Variants in ZBTB38 observed in about 807,000 individuals in gnomAD.
ZBTB38 encodes the protein zinc finger and BTB domain containing 38, also known as zinc finger and BTB domain-containing protein 38.
Under a neutral mutation model 76.8 loss-of-function variants are expected in ZBTB38, and 20 were observed. The ratio of observed to expected loss-of-function variants is 0.26; its 90% CI spans 0.18 to 0.38. The LOEUF is 0.38. Ranked by LOEUF, ZBTB38 falls within the 10% of genes least tolerant of loss-of-function variation. ZBTB38 has a pLI of 1.00. For missense variants in ZBTB38, 1,082 were observed against 1,482.3 expected (o/e 0.73, Z 4.43); for synonymous variants, 504 against 544.2 (o/e 0.93, Z 1.03).
intron 5 of ZBTB38, among the ~76,000 whole-genome samples, chr3:141,409,354 G>C (rs191200828): frequency 2.0e-5 from 3 of 152,226 alleles, no homozygotes. Context: ...CCTGAGGTGA[G>C]ATTTTTACAC....
At chr3:141,378,808 C>T (rs1945780387) in intron 2 of ZBTB38, among the ~76,000 whole-genome samples, 1 of 152,170 alleles carries the variant, frequency 6.6e-6, no homozygotes, top group Non-Finnish European at 1.5e-5. Context: ...TGTGAATGTG[C>T]CCCATTTACC....
chr3:141,429,976 A>T (rs1031375363), intron 5 of ZBTB38, among the ~76,000 whole-genome samples: 8 of 152,224 alleles, frequency 5.3e-5, no homozygotes, highest in Non-Finnish European at 7.3e-5. Context: ...GTCTGATTTT[A>T]TCCTAAGATC....
At chr3:141,420,216 T>C (rs896136063) in intron 5 of ZBTB38, among the ~76,000 whole-genome samples, 2 of 151,858 alleles carry the variant, frequency 1.3e-5, no homozygotes, top group South Asian at 2.1e-4. Context: ...AGAAAAACAA[T>C]TGGAATGAGC....
intron 4 of ZBTB38, among the ~76,000 whole-genome samples, chr3:141,391,739 C>A (rs1474093360): frequency 1.3e-5 from 2 of 152,168 alleles, no homozygotes; most frequent in African/African-American, 4.8e-5. Flanking sequence ...TTGAGATAGT[C>A]ATTGAATTTT....
In ZBTB38 at chr3:141,413,042, T is replaced by C. The variant is rs537015532; in HGVS notation, c.-1+9011T>C. Among the ~76,000 whole-genome samples the C allele has an allele frequency of 6.6e-6, 1 of 152,288 alleles. No homozygotes were observed. Among genetic ancestry groups the C allele is most frequent in the Non-Finnish European group, 1.5e-5 (1 of 68,016 alleles). On this transcript the variant is annotated intron_variant, in intron 5 of 5. Coordinates refer to ENST00000321464, the MANE Select transcript of ZBTB38 (RefSeq NM_001376113.1). This position sits in a 1 kb window ranked among gnomAD's most constrained non-coding sequence, Gnocchi z 4.1. ...AGGCCTGGCCTCCCTCCAGAGGTCG[T>C]AGTGTTGCCAGCAGTGGCTTCAAAC...
At chr3:141,399,672 C>G (rs571397264) in intron 4 of ZBTB38, among the ~76,000 whole-genome samples, 1 of 152,298 alleles carries the variant, frequency 6.6e-6, no homozygotes, top group Non-Finnish European at 1.5e-5. Flanking sequence ...AATGAGTTAA[C>G]AGATTCCTAA....
chr3:141,337,923 A>T (rs1943062934), intron 1 of ZBTB38, among the ~76,000 whole-genome samples: 1 of 152,204 alleles, frequency 6.6e-6, no homozygotes, highest in African/African-American at 2.4e-5. Context: ...AATTATCACT[A>T]ATTTATTTAT....
At chr3:141,364,676 T>TAAAAAAAAAAA (rs59398877), upstream of ZBTB38, among the ~76,000 whole-genome samples, 4 of 43,440 alleles carry the variant, frequency 9.2e-5, no homozygotes, top group South Asian at 4.0e-3. Flanking sequence ...AAACTACATC[T>TAAAAAAAAAAA]AAAAAAAAAA....
Position 141,354,925 on chromosome 3 carries a change from G to T in ZBTB38, c.-738-13696G>T, listed in dbSNP as rs147593787. Among the ~76,000 whole-genome samples the T allele has an allele frequency of 1.2e-3, 183 of 152,132 alleles. 1 individual carries two copies. The highest frequency in any genetic ancestry group is 4.3e-3 in the African/African-American group (179 of 41,490). ...GCCTAATTCCAGGCCTCTTTCTCAC[G>T]ATTCTTCTTGAAGATCCTGTTTTCA... On this transcript the variant is annotated intron_variant, in intron 1 of 7. Coordinates refer to the ZBTB38 transcript ENST00000509842.
chr3:141,432,645 C>G lies in ZBTB38; in HGVS notation c.1-9744C>G, dbSNP rs553447068. On this transcript the variant is annotated intron_variant, in intron 5 of 5. Coordinates refer to ENST00000321464, the MANE Select transcript of ZBTB38 (RefSeq NM_001376113.1). ...TAGTTAACAATTTAAAGAGATTTTT[C>G]AAGATTCGTTTTGCATTGTAAGAAT... Among the ~76,000 whole-genome samples the G allele has an allele frequency of 1.1e-4, 17 of 152,282 alleles. No homozygotes were observed. The East Asian group carries it at 3.3e-3, about 29-fold the overall frequency.
chr3:141,380,653 G>A (rs1429945272), intron 2 of ZBTB38, among the ~76,000 whole-genome samples: 2 of 152,188 alleles, frequency 1.3e-5, no homozygotes, highest in Admixed American at 6.5e-5. Context: ...AGATCTTGCA[G>A]GAAGCAAGCC....
intron 5 of ZBTB38, among the ~76,000 whole-genome samples, chr3:141,436,545 T>C (rs1478463284): frequency 2.0e-5 from 3 of 152,196 alleles, no homozygotes; most frequent in African/African-American, 7.2e-5. Flanking sequence ...TTGCCTAGGC[T>C]GGAATGCAGT....
At chr3:141,409,335 C>T (rs899869198) in intron 5 of ZBTB38, among the ~76,000 whole-genome samples, 3 of 152,092 alleles carry the variant, frequency 2.0e-5, no homozygotes, top group Admixed American at 1.3e-4. Context: ...CGTGAGCCAC[C>T]GTGCCCATCC....
chr3:141,372,823 A>G (rs1944831196), intron 2 of ZBTB38, among the ~76,000 whole-genome samples: 1 of 152,242 alleles, frequency 6.6e-6, no homozygotes, highest in Admixed American at 6.5e-5. Context: ...GGGCAGAGCC[A>G]AAGGTCTCAG....
At chr3:141,395,086 C>A (rs890754062) in intron 4 of ZBTB38, among the ~76,000 whole-genome samples, 2 of 152,188 alleles carry the variant, frequency 1.3e-5, no homozygotes, top group Non-Finnish European at 2.9e-5. Flanking sequence ...AAATTTTCAA[C>A]AAATTGAGTT....
chr3:141,438,916 C>T (rs2079456235), intron 5 of ZBTB38, among the ~76,000 whole-genome samples: 1 of 152,010 alleles, frequency 6.6e-6, no homozygotes, highest in Non-Finnish European at 1.5e-5. Context: ...TGCTACCACT[C>T]AGACTCCCTC....
At chr3:141,401,941 G>A (rs925537543) in intron 4 of ZBTB38, among the ~76,000 whole-genome samples, 2 of 152,248 alleles carry the variant, frequency 1.3e-5, no homozygotes, top group African/African-American at 2.4e-5. Flanking sequence ...AGAATTTGAT[G>A]CAATTGAAAC....
chr3:141,330,976 T>C (rs1181194696), intron 1 of ZBTB38, among the ~76,000 whole-genome samples: 1 of 152,170 alleles, frequency 6.6e-6, no homozygotes, highest in Non-Finnish European at 1.5e-5. Context: ...AAATACCCAG[T>C]TTTAAGTATT....
At chr3:141,415,502 C>T (rs73872715) in intron 5 of ZBTB38, among the ~76,000 whole-genome samples, 16,239 of 152,166 alleles carry the variant, frequency 0.11, 2,115 homozygotes, top group African/African-American at 0.3. Flanking sequence ...TACAGAGCCT[C>T]GAGCCCTACC....
Sources: gnomAD v4.1 joint callset for allele counts (sites outside exome capture counted in the v4.1 genomes callset) on GRCh38, gnomAD v4.1.1 for gene constraint, Gnocchi (gnomAD v3.1) non-coding constraint, MANE v1.5 for transcripts, NCBI Gene and HGNC (gene_info 2026-07-23, HGNC 2026-07-21) for gene names.